ZFR2: variants seen among roughly 807,000 people sequenced by gnomAD.
ZFR2 encodes zinc finger RNA binding protein 2.
In ZFR2, 104 loss-of-function variants were observed where a neutral mutation model predicts 105.7. The observed-to-expected ratio is 0.98, with a 90% CI of 0.84 to 1.16. ZFR2 has a LOEUF of 1.16. Among genes scored for constraint, ZFR2 ranks in the 50% most tolerant of loss-of-function variants. The pLI is 0.00. For missense variants in ZFR2, 1,425 were observed against 1,355.5 expected, an observed-to-expected ratio of 1.05 and a Z score of -0.80; for synonymous variants, 634 against 597.7, an observed-to-expected ratio of 1.06 and a Z score of -0.89.
intron 12 of ZFR2, 132 bp downstream of exon 12, chr19:3,818,913 C>T: frequency 4.3e-6 from 5 of 1,168,454 alleles, no homozygotes; most frequent in Non-Finnish European, 5.9e-6. Flanking sequence ...ACTCCTGGGG[C>T]TGGAAAGCTG....
At position 3,806,115 on chromosome 19, in the gene ZFR2, C is replaced by T. The variant is rs780942238; in HGVS notation, c.2654G>A (p.Arg885Gln). The T allele has an allele frequency of 1.5e-5, 22 of 1,459,744 alleles. No homozygotes were observed. Among genetic ancestry groups the T allele is most frequent in the East Asian group, 2.6e-5 (1 of 37,872 alleles). The allele number at this position is 1,459,744 out of a possible 1,614,324, so 90.4% of individuals were successfully genotyped here. Residue 885 changes from arginine (R) to glutamine (Q), a missense_variant, in exon 19 of 19, where the codon CGA (arginine) becomes CAA (glutamine). Arg to Gln is a conservative substitution (Grantham distance 43). Transcript: ENST00000262961. Reference sequence around the variant, plus strand: ...GTGGGTCTGCCGGAAGGCCAGCATTCGCAGGGCGTGCTGCGGGGCACACAC... The same window carrying T: ...GTGGGTCTGCCGGAAGGCCAGCATTTGCAGGGCGTGCTGCGGGGCACACAC... The part of the protein sequence containing the change: ...DVTASAQHAL[R>Q]MLAFRQTHKV...
chr19:3,822,691 C>T (rs1222646593), intron 8 of ZFR2, among the ~76,000 whole-genome samples: 1 of 152,116 alleles, frequency 6.6e-6, no homozygotes, highest in Admixed American at 6.5e-5. Context: ...GCTCCAGCCT[C>T]GGTGACACAG....
intron 1 of ZFR2, chr19:3,855,364 C>A: frequency 8.1e-7 from 1 of 1,231,224 alleles, no homozygotes; most frequent in Non-Finnish European, 1.0e-6. Context: ...ATTGCTTTTG[C>A]GGGTTGCACT....
chr19:3,830,017 C>T (rs1298947857), intron 5 of ZFR2, among the ~76,000 whole-genome samples: 3 of 152,190 alleles, frequency 2.0e-5, no homozygotes, highest in East Asian at 3.9e-4. Flanking sequence ...ATAACCCACA[C>T]GGGCCTGGCG....
intron 11 of ZFR2, among the ~76,000 whole-genome samples, chr19:3,819,716 G>GTGGCGGGCGCCCATAGTCC (rs2037868077): frequency 6.6e-6 from 1 of 152,154 alleles, no homozygotes; most frequent in Admixed American, 6.5e-5. Flanking sequence ...GCCCGGCGTG[G>GTGGCGGGCGCCCATAGTCC]TGGCGGGCGC....
At chr19:3,830,478 G>C (rs762848031) in intron 5 of ZFR2, among the ~76,000 whole-genome samples, 12 of 152,088 alleles carry the variant, frequency 7.9e-5, no homozygotes, top group Non-Finnish European at 1.8e-4. Context: ...TGCAAAGAAG[G>C]CCGGGGTCTC....
intron 12 of ZFR2, 75 bp downstream of exon 12, chr19:3,818,970 G>C: frequency 6.6e-7 from 1 of 1,521,366 alleles, no homozygotes; most frequent in East Asian, 2.4e-5. Flanking sequence ...AGGGGTTCCT[G>C]CAGGGTCTCG....
Position 3,833,684 on chromosome 19 carries a change from G to A in ZFR2, c.359C>T (p.Ala120Val). The A allele has an allele frequency of 6.4e-7, 1 of 1,566,544 alleles. No homozygotes were observed. The highest frequency in any genetic ancestry group is 1.4e-5 in the African/African-American group (1 of 73,990). Residue 120 changes from alanine to valine, a missense_variant, in exon 3 of 19, where the codon GCC becomes GTC. By Grantham distance (64) the Ala-to-Val change is moderately conservative. Transcript: ENST00000262961. ...SAALQSGRMT[A>V]ADSGQPGTQE... is the part of the protein sequence containing the mutation. The stretch of plus-strand genomic sequence containing the variant: ...CTCACCTGGCTGGCCGGAGTCTGCG[G>A]CTGTCATGCGCCCAGACTGGAGGGC...
At chr19:3,860,630 T>C (rs889285654) in intron 1 of ZFR2, among the ~76,000 whole-genome samples, 8 of 152,304 alleles carry the variant, frequency 5.3e-5, no homozygotes, top group Admixed American at 5.2e-4. Context: ...AGGCAGGTGC[T>C]TGAGAACACC....
At chr19:3,825,500 C>T (rs761175399) in intron 6 of ZFR2, 93 bp from the exon 7 acceptor site, 174 of 1,471,004 alleles carry the variant, frequency 1.2e-4, no homozygotes, top group Non-Finnish European at 1.4e-4. Context: ...GGGCGTGCAG[C>T]GCGAGTGTGG....
rs371049158 is a variant in ZFR2 at position 3,827,516 on chromosome 19, C to A, written c.990G>T (p.Gly330=). ...HCDLCAVSCT[G]ADAYAAHIRG... ...GGATGTGGGCCGCGTAGGCGTCCGC[C>A]CCGGTGCAGGACACGGCGCACAGGT... Residue 330 remains glycine (G), a synonymous_variant, in exon 6 of 19, where the codon GGG becomes GGT. Transcript: ENST00000262961. 1.3e-5 allele frequency: 20 copies of A among 1,558,330 alleles called. No individual in the cohort carries two copies. Among genetic ancestry groups the A allele is most frequent in the Non-Finnish European group, 1.6e-5 (19 of 1,152,002 alleles).
In ZFR2 at chr19:3,827,555, C is replaced by T. The variant is rs759262576; in HGVS notation, c.951G>A (p.Ala317=). The part of the protein sequence containing the change: ...QPNGSPRGVQ[A]QLHCDLCAVS... ...CGGCGCACAGGTCGCAATGCAGCTG[C>T]GCCTGCACCCCGCGCGGGCTCCCGT... Residue 317 remains alanine, a synonymous_variant, in exon 6 of 19, where the codon GCG becomes GCA. Transcript: ENST00000262961. 1.0e-5 allele frequency: 16 copies of T among 1,563,582 alleles called. No homozygotes were observed. In the East Asian group the frequency reaches 1.4e-4, roughly 14 times the overall value.
intron 1 of ZFR2, among the ~76,000 whole-genome samples, chr19:3,844,433 T>G (rs990572155): frequency 6.6e-6 from 1 of 152,060 alleles, no homozygotes; most frequent in Admixed American, 6.6e-5. Flanking sequence ...AGTGGTGCGA[T>G]CTCGGCTCAC....
chr19:3,830,138 A>AC, intron 5 of ZFR2, among the ~76,000 whole-genome samples: 1 of 125,618 alleles, frequency 8.0e-6, no homozygotes, highest in South Asian at 2.3e-4. Context: ...TGTATCTACA[A>AC]AAAAATTTTT....
chr19:3,827,363 G>C (rs2037962218), intron 6 of ZFR2, 108 bp downstream of exon 6: 2 of 1,331,208 alleles, frequency 1.5e-6, no homozygotes, highest in Non-Finnish European at 1.9e-6. Flanking sequence ...ACTTGGGGAG[G>C]CTTCTCCCAG....
intron 9 of ZFR2, 28 bp downstream of exon 9, chr19:3,822,053 G>T: frequency 6.4e-7 from 1 of 1,571,438 alleles, no homozygotes. Flanking sequence ...GCCCGGACGG[G>T]TGTCGGAGCT....
chr19:3,831,398 G>T lies in ZFR2; in HGVS notation c.757C>A (p.Pro253Thr). The T allele has an allele frequency of 6.4e-7, 1 of 1,555,882 alleles. No individual in the cohort carries two copies. Among genetic ancestry groups the T allele is most frequent in the East Asian group, 2.4e-5 (1 of 41,474 alleles). The change falls in exon 5 of 19, where the codon CCG becomes ACG. Residue 253 changes from proline to threonine, a missense_variant. Transcript: ENST00000262961. ...GGTCTCGGCAGCTTGCTGGGAAGCG[G>T]TGGCTTCGAGTCGGCCCTGGGGCTG... is the stretch of plus-strand genomic sequence containing the variant. The part of the protein sequence containing the change: ...GSSPRADSKP[P>T]LPSKLPRPKA...
At chr19:3,839,346 A>G (rs2038110919) in intron 1 of ZFR2, among the ~76,000 whole-genome samples, 1 of 151,896 alleles carries the variant, frequency 6.6e-6, no homozygotes, top group Non-Finnish European at 1.5e-5. Flanking sequence ...CAGCCTGGCC[A>G]ACATGGTGAA....
rs2285960 is a variant in ZFR2, at chr19:3,834,040, C to T, written c.265-262G>A. ...AGTTCGACTGCAATTTACAAGAGGA[C>T]GCTTGGTGCGGCAGGAGAGGGCGGG... On this transcript the variant is annotated intron_variant, in intron 2 of 18. Coordinates refer to ENST00000262961, the MANE Select transcript of ZFR2 (RefSeq NM_015174.2). The surrounding 1 kb of genome is among the most constrained non-coding windows in gnomAD (Gnocchi z 5.3). Among the ~76,000 whole-genome samples the T allele has an allele frequency of 0.82, 125,236 of 152,040 alleles. 52,236 individuals are homozygous for T. The highest frequency in any genetic ancestry group is 0.98 in the East Asian group (5,075 of 5,166).
Sources: gnomAD v4.1 joint callset for allele counts (sites outside exome capture counted in the v4.1 genomes callset) on GRCh38, gnomAD v4.1.1 for gene constraint, Gnocchi (gnomAD v3.1) non-coding constraint, MANE v1.5 for transcripts, NCBI Gene and HGNC (gene_info 2026-07-23, HGNC 2026-07-21) for gene names.